NKAIN2: variants seen among roughly 807,000 people sequenced by gnomAD.
NKAIN2 encodes the protein sodium/potassium transporting ATPase interacting 2, also known as sodium/potassium-transporting ATPase subunit beta-1-interacting protein 2.
In NKAIN2, 14 loss-of-function variants were observed where a neutral mutation model predicts 32.6. That is an observed-to-expected ratio of 0.43 (90% confidence interval 0.28 to 0.67). The LOEUF is 0.67. Among genes scored for constraint, NKAIN2 ranks in the 30% least tolerant of loss-of-function variants. The probability of loss-of-function intolerance (pLI) is 0.17; values close to 1 mark genes in which losing one functional copy is unlikely to be tolerated. For missense variants in NKAIN2, 198 were observed against 258.3 expected (o/e 0.77, Z 1.60); for synonymous variants, 80 against 87.2 (o/e 0.92, Z 0.46).
At chr6:124,150,015 G>C (rs1787622323) in intron 1 of NKAIN2, among the ~76,000 whole-genome samples, 1 of 152,080 alleles carries the variant, frequency 6.6e-6, no homozygotes, top group Admixed American at 6.5e-5. Flanking sequence ...GTCAATATAA[G>C]TAAACAAGCC....
intron 1 of NKAIN2, among the ~76,000 whole-genome samples, chr6:123,995,122 T>C (rs537595425): frequency 2.3e-3 from 350 of 152,228 alleles, no homozygotes; most frequent in Non-Finnish European, 3.1e-3. Flanking sequence ...GCCAGCAGGG[T>C]TGGGAACTCA....
At chr6:124,079,395 A>C (rs1189828017) in intron 1 of NKAIN2, among the ~76,000 whole-genome samples, 2 of 152,204 alleles carry the variant, frequency 1.3e-5, no homozygotes, top group Admixed American at 6.6e-5. Flanking sequence ...TTGGTGAAAG[A>C]TTATTCAGTG....
chr6:124,213,096 C>T (rs148075892), intron 1 of NKAIN2, among the ~76,000 whole-genome samples: 13 of 152,176 alleles, frequency 8.5e-5, no homozygotes, highest in African/African-American at 2.6e-4. Context: ...CCAGATTTTA[C>T]GTGCGAATAT....
intron 3 of NKAIN2, among the ~76,000 whole-genome samples, chr6:124,486,510 T>C (rs937017225): frequency 1.4e-4 from 21 of 152,314 alleles, no homozygotes; most frequent in Admixed American, 1.2e-3. Context: ...TTCTCTCTAC[T>C]GTTTTATTCT....
intron 1 of NKAIN2, among the ~76,000 whole-genome samples, chr6:124,241,814 TA>T (rs1286665975): frequency 6.6e-6 from 1 of 151,890 alleles, no homozygotes; most frequent in Non-Finnish European, 1.5e-5. Flanking sequence ...ATATTTTTTT[TA>T]AAAGTACTAT....
intron 3 of NKAIN2, among the ~76,000 whole-genome samples, chr6:124,361,323 A>G (rs900236011): frequency 1.3e-5 from 2 of 152,220 alleles, no homozygotes; most frequent in Non-Finnish European, 2.9e-5. Flanking sequence ...GAAATTAAAT[A>G]CTTACACTTT....
chr6:123,908,398 A>G (rs1774997792), intron 1 of NKAIN2, among the ~76,000 whole-genome samples: 1 of 152,178 alleles, frequency 6.6e-6, no homozygotes, highest in Non-Finnish European at 1.5e-5. Context: ...ATCCAAACAG[A>G]GAAATAAATC....
At chr6:124,062,698 G>A (rs1242574914) in intron 1 of NKAIN2, among the ~76,000 whole-genome samples, 1 of 152,126 alleles carries the variant, frequency 6.6e-6, no homozygotes, top group African/African-American at 2.4e-5. Flanking sequence ...ACAGGCGTGA[G>A]CCACCATATC....
chr6:124,750,973 G>A (rs536323709), intron 4 of NKAIN2, among the ~76,000 whole-genome samples: 1 of 152,130 alleles, frequency 6.6e-6, no homozygotes, highest in Non-Finnish European at 1.5e-5. Flanking sequence ...GATAGAGCAA[G>A]AGCTGCTTCT....
intron 3 of NKAIN2, among the ~76,000 whole-genome samples, chr6:124,544,753 G>A (rs1048433607): frequency 1.3e-5 from 2 of 152,026 alleles, no homozygotes; most frequent in African/African-American, 4.8e-5. Context: ...TTTAAAAATT[G>A]GTATTGATAA....
chr6:123,863,225 G>A (rs1775856256), intron 1 of NKAIN2, among the ~76,000 whole-genome samples: 1 of 152,174 alleles, frequency 6.6e-6, no homozygotes, highest in Non-Finnish European at 1.5e-5. Context: ...AAATGATATA[G>A]ATTTTAGTTT....
intron 3 of NKAIN2, among the ~76,000 whole-genome samples, chr6:124,616,170 T>A (rs1353846486): frequency 1.3e-5 from 2 of 152,098 alleles, no homozygotes; most frequent in East Asian, 3.9e-4. Flanking sequence ...AAACTCTGCA[T>A]GTTTTATACA....
chr6:124,320,263 A>G (rs1429399655), intron 2 of NKAIN2, among the ~76,000 whole-genome samples: 1 of 152,200 alleles, frequency 6.6e-6, no homozygotes, highest in African/African-American at 2.4e-5. Context: ...TTTCCACCCA[A>G]AATGGCATCC....
chr6:124,735,955 A>G (rs564842808), intron 4 of NKAIN2, among the ~76,000 whole-genome samples: 2 of 152,008 alleles, frequency 1.3e-5, no homozygotes, highest in South Asian at 4.1e-4. Context: ...GTAGAGCCAA[A>G]TGTCTCTCGC....
intron 1 of NKAIN2, among the ~76,000 whole-genome samples, chr6:123,891,785 G>A (rs1774030762): frequency 6.6e-6 from 1 of 152,162 alleles, no homozygotes; most frequent in African/African-American, 2.4e-5. Context: ...GCTAAAGGTT[G>A]GAGTATAATG....
chr6:124,685,858 G>C (rs943583024), intron 4 of NKAIN2, among the ~76,000 whole-genome samples: 2 of 152,160 alleles, frequency 1.3e-5, no homozygotes, highest in South Asian at 4.1e-4. Flanking sequence ...GAGTAACTTA[G>C]CAGCTTAAAA....
At chr6:124,262,810 T>A (rs978274032) in intron 1 of NKAIN2, among the ~76,000 whole-genome samples, 2 of 152,106 alleles carry the variant, frequency 1.3e-5, no homozygotes, top group Non-Finnish European at 1.5e-5. Context: ...CAAGCAACGA[T>A]GGGACCTCAC....
At chr6:124,549,045 G>A (rs1230694697) in intron 3 of NKAIN2, among the ~76,000 whole-genome samples, 1 of 152,088 alleles carries the variant, frequency 6.6e-6, no homozygotes, top group Admixed American at 6.6e-5. Flanking sequence ...TTTGATGCAT[G>A]GTAGCTAGAA....
rs150574218 is a variant in NKAIN2 at position 124,527,057 on chromosome 6, C to A, written c.274-131129C>A. 3.4e-3 allele frequency among the ~76,000 whole-genome samples: 510 copies of A among 152,194 alleles called. 3 individuals carry two copies. Among genetic ancestry groups the A allele is most frequent in the South Asian group, 0.015 (72 of 4,824 alleles). ...ACCTGGAAACCAACACCATACCATA[C>A]CTTCTTATTGAAAAAGTACCCAACT... On this transcript the variant is annotated intron_variant, in intron 3 of 6. Coordinates refer to ENST00000368417, the MANE Select transcript of NKAIN2 (RefSeq NM_001040214.3).
Sources: allele counts gnomAD v4.1 joint callset (sites outside exome capture counted in the v4.1 genomes callset), GRCh38; gene constraint gnomAD v4.1.1; transcripts MANE v1.5; gene names NCBI Gene and HGNC (gene_info 2026-07-23, HGNC 2026-07-21).